Variants in STIM1 observed in about 807,000 individuals in gnomAD.
STIM1 encodes the protein stromal interaction molecule 1.
STIM1 carries 25 observed loss-of-function variants against 74.7 expected under a neutral mutation model. The observed-to-expected ratio is 0.33, with a 90% CI of 0.24 to 0.47. The LOEUF (loss-of-function observed/expected upper bound fraction) is 0.47, where lower values mean the gene tolerates loss of function less well. Ranked by LOEUF, STIM1 falls within the 20% of genes least tolerant of loss-of-function variation. The pLI is 1.00. For missense variants in STIM1, 728 were observed against 920.8 expected, an observed-to-expected ratio of 0.79 and a Z score of 2.71; for synonymous variants, 328 against 348.8, an observed-to-expected ratio of 0.94 and a Z score of 0.66.
chr11:3,892,252 G>T, intron 1 of STIM1: 1 of 609,088 alleles, frequency 1.6e-6, no homozygotes, highest in South Asian at 2.0e-5. Flanking sequence ...GAAGAAAACA[G>T]AGAAAACATG....
At chr11:3,963,157 G>T (rs916938965) in intron 1 of STIM1, among the ~76,000 whole-genome samples, 4 of 152,146 alleles carry the variant, frequency 2.6e-5, no homozygotes, top group Admixed American at 6.5e-5. Flanking sequence ...CTGACATGGG[G>T]TTTGTTGCAC....
At chr11:3,967,441 A>T in intron 1 of STIM1, 111 bp from the exon 2 acceptor site, 2 of 1,528,870 alleles carry the variant, frequency 1.3e-6, no homozygotes, top group Non-Finnish European at 1.8e-6. Flanking sequence ...GTAGCCAGTT[A>T]AGTGCCTACA....
chr11:4,060,712 G>A (rs1191364841), intron 5 of STIM1, among the ~76,000 whole-genome samples: 1 of 152,094 alleles, frequency 6.6e-6, no homozygotes, highest in Non-Finnish European at 1.5e-5. Context: ...CAGCATAATC[G>A]GCAGGGTCCC....
rs180738557 is a variant in STIM1, at chr11:3,945,269, T to C, written c.140-22283T>C. Among the ~76,000 whole-genome samples, 259 of 152,284 alleles carry C rather than the reference T, an allele frequency of 1.7e-3. 3 individuals are homozygous for C. The highest frequency in any genetic ancestry group is 1.2e-3 in the East Asian group (6 of 5,184). ...AGAGTGGAGACTAGTGCCTGGCATA[T>C]GGTAAGCATTCAAAAATGTTGTGTA... On this transcript the variant is annotated intron_variant, in intron 1 of 12. Transcript: ENST00000526596.
intron 3 of STIM1, among the ~76,000 whole-genome samples, chr11:4,033,906 A>G (rs1452579339): frequency 6.6e-6 from 1 of 151,456 alleles, no homozygotes; most frequent in African/African-American, 2.4e-5. Context: ...GCTGTTTCTG[A>G]TCTTAGAAAA....
chr11:3,928,524 G>T (rs1023153459), intron 1 of STIM1, among the ~76,000 whole-genome samples: 1 of 152,092 alleles, frequency 6.6e-6, no homozygotes, highest in Non-Finnish European at 1.5e-5. Context: ...ACAACGCTCG[G>T]CTGCTATTCT....
intron 3 of STIM1, among the ~76,000 whole-genome samples, chr11:4,049,857 G>A (rs2094226019): frequency 6.6e-6 from 1 of 151,824 alleles, no homozygotes; most frequent in Non-Finnish European, 1.5e-5. Context: ...AGTTATATAA[G>A]CTTGCTGTGC....
At chr11:3,897,391 T>C (rs1274295193) in intron 1 of STIM1, among the ~76,000 whole-genome samples, 1 of 152,230 alleles carries the variant, frequency 6.6e-6, no homozygotes, top group Non-Finnish European at 1.5e-5. Flanking sequence ...GATGATGTAA[T>C]TTTAGTAGTC....
chr11:3,881,834 G>A (rs2091516542), intron 1 of STIM1, among the ~76,000 whole-genome samples: 2 of 151,756 alleles, frequency 1.3e-5, no homozygotes, highest in Non-Finnish European at 2.9e-5. Context: ...TACCACACCT[G>A]GCTAATTTTT....
At chr11:4,014,718 A>G (rs2093878525) in intron 2 of STIM1, among the ~76,000 whole-genome samples, 1 of 152,188 alleles carries the variant, frequency 6.6e-6, no homozygotes. Flanking sequence ...GACTTGCTTT[A>G]TGAATCTGGG....
chr11:4,092,385 C>T lies in STIM1; in HGVS notation c.*587C>T, dbSNP rs2094529615. The T allele has an allele frequency of 6.1e-6, 1 of 165,084 alleles. No individual in the cohort carries two copies. Among genetic ancestry groups the T allele is most frequent in the Non-Finnish European group, 1.4e-5 (1 of 73,976 alleles). 10.2% of individuals were successfully genotyped at this position (165,084 alleles called of 1,614,324 possible). ...AATCTCACTCAGGCCTCCAGGGATC[C>T]ATGGGGGAGTGAAACCAATTCTCAG... On this transcript the variant is annotated 3_prime_UTR_variant, in exon 13 of 13. Transcript: ENST00000526596.
In STIM1 at chr11:4,091,547, G is replaced by A; in HGVS notation, c.1900G>A (p.Ala634Thr). 2 of 1,614,166 alleles carry A rather than the reference G, an allele frequency of 1.2e-6. No homozygotes were observed. Among genetic ancestry groups the A allele is most frequent in the Non-Finnish European group, 1.7e-6 (2 of 1,180,020 alleles). ...CAGCCTGATGGAGCTGAGCCCCTCA[G>A]CCCCACCTGGTGGCTCTCCACATTT... ...AHSLMELSPS[A>T]PPGGSPHLDS... Residue 634 changes from alanine (A) to threonine (T), a missense_variant, in exon 13 of 13, where the codon GCC becomes ACC. This residue lies in a region of STIM1 where 352 missense variants were observed against 370.1 expected (regional missense o/e 0.95). Coordinates refer to ENST00000526596, the MANE Select transcript of STIM1 (RefSeq NM_001382567.1).
chr11:3,884,833 A>C (rs572747803), intron 1 of STIM1, among the ~76,000 whole-genome samples: 1 of 152,154 alleles, frequency 6.6e-6, no homozygotes, highest in South Asian at 2.1e-4. Flanking sequence ...TTAGCCATTA[A>C]ATGGAGTTAA....
intron 2 of STIM1, among the ~76,000 whole-genome samples, chr11:3,975,848 A>G (rs1377431083): frequency 6.6e-6 from 1 of 152,206 alleles, no homozygotes; most frequent in Non-Finnish European, 1.5e-5. Context: ...GGACAATATC[A>G]AGTCCTGGAC....
chr11:4,068,393 G>A (rs376680784), intron 5 of STIM1, among the ~76,000 whole-genome samples: 1 of 152,070 alleles, frequency 6.6e-6, no homozygotes, highest in African/African-American at 2.4e-5. Context: ...AATATAAAGG[G>A]GATATTGAAG....
At chr11:3,921,890 T>C (rs1439442278) in intron 1 of STIM1, 3 of 152,126 alleles carry the variant, frequency 2.0e-5, no homozygotes, top group Admixed American at 6.5e-5. Flanking sequence ...CTGACAACAA[T>C]CAGCATGGAC....
chr11:4,048,226 A>G (rs1015095839), intron 3 of STIM1, among the ~76,000 whole-genome samples: 7 of 152,250 alleles, frequency 4.6e-5, no homozygotes, highest in Non-Finnish European at 8.8e-5. Flanking sequence ...TGCTGCTTAC[A>G]GCAGTGGTTT....
At chr11:3,974,870 T>C (rs932778063) in intron 2 of STIM1, among the ~76,000 whole-genome samples, 9 of 152,102 alleles carry the variant, frequency 5.9e-5, no homozygotes, top group African/African-American at 1.9e-4. Context: ...TCCTTAACAG[T>C]ATGAGTTGGG....
chr11:4,002,232 C>A (rs543020059), intron 2 of STIM1, among the ~76,000 whole-genome samples: 1 of 151,124 alleles, frequency 6.6e-6, no homozygotes, highest in African/African-American at 2.4e-5. Context: ...CTGCACCAAG[C>A]GGACCTAATA....
Sources: allele counts gnomAD v4.1 joint callset (sites outside exome capture counted in the v4.1 genomes callset), GRCh38; gene constraint gnomAD v4.1.1; regional missense constraint gnomAD v4.1.1; transcripts MANE v1.5; gene names NCBI Gene and HGNC (gene_info 2026-07-23, HGNC 2026-07-21).